PRKCI: variants seen among roughly 807,000 people sequenced by gnomAD.
The protein encoded by PRKCI is protein kinase C iota, also known as protein kinase C iota type.
A neutral mutation model predicts 84.0 loss-of-function variants in PRKCI; 43 were observed. The ratio of observed to expected loss-of-function variants is 0.51; its 90% CI spans 0.40 to 0.66. PRKCI has a LOEUF of 0.66. Among genes scored for constraint, PRKCI ranks in the 30% least tolerant of loss-of-function variants. The pLI is 0.00. For synonymous variants in PRKCI, 216 were observed against 234.4 expected, an observed-to-expected ratio of 0.92 and a Z score of 0.72; for missense variants, 459 against 745.6, an observed-to-expected ratio of 0.62 and a Z score of 4.48.
intron 1 of PRKCI, among the ~76,000 whole-genome samples, chr3:170,231,869 GAAAA>G (rs1434756648): frequency 6.6e-6 from 1 of 152,056 alleles, no homozygotes; most frequent in Non-Finnish European, 1.5e-5. Context: ...GTCAATTAAA[GAAAA>G]AAGCTTTTAA....
chr3:170,233,266 A>G (rs1732852322), intron 1 of PRKCI, among the ~76,000 whole-genome samples: 1 of 123,596 alleles, frequency 8.1e-6, no homozygotes, highest in Non-Finnish European at 1.9e-5. Flanking sequence ...GAAAAACTTT[A>G]TAATAGATTC....
Position 170,250,442 on chromosome 3 carries a change from C to G in PRKCI, c.224-9527C>G, listed in dbSNP as rs1021823999. 1.1e-3 allele frequency among the ~76,000 whole-genome samples: 120 copies of G among 109,802 alleles called. 2 individuals are homozygous for G. Among genetic ancestry groups the G allele is most frequent in the Non-Finnish European group, 1.8e-3 (95 of 53,556 alleles). The allele number at this position is 109,802 out of a possible 152,430, so 72.0% of individuals were successfully genotyped here. ...ACATTTTCATTACCAACCCCCCCCC[C>G]CCAAAAAAAAATCTCGTGTCTATTA... On this transcript the variant is annotated intron_variant, in intron 2 of 17. Coordinates refer to ENST00000295797, the MANE Select transcript of PRKCI (RefSeq NM_002740.6).
chr3:170,249,158 T>C (rs1183502869), intron 2 of PRKCI, among the ~76,000 whole-genome samples: 1 of 152,064 alleles, frequency 6.6e-6, no homozygotes, highest in Non-Finnish European at 1.5e-5. Flanking sequence ...AGAATTGGCT[T>C]TTTTCATTAT....
intron 2 of PRKCI, among the ~76,000 whole-genome samples, chr3:170,254,323 C>G (rs1022276058): frequency 6.6e-6 from 1 of 152,012 alleles, no homozygotes; most frequent in East Asian, 1.9e-4. Flanking sequence ...ATCCCACTTA[C>G]CTATTTTTGC....
intron 2 of PRKCI, among the ~76,000 whole-genome samples, chr3:170,253,468 G>C (rs1029584245): frequency 2.0e-5 from 3 of 152,114 alleles, no homozygotes; most frequent in African/African-American, 7.2e-5. Context: ...TCATATACCT[G>C]TTTGCCGTTT....
intron 4 of PRKCI, among the ~76,000 whole-genome samples, chr3:170,267,083 A>G (rs1447154418): frequency 6.6e-6 from 1 of 152,080 alleles, no homozygotes; most frequent in Non-Finnish European, 1.5e-5. Flanking sequence ...TTTCTAAGAC[A>G]TGGTAAATGG....
chr3:170,247,576 C>G (rs1733317768), intron 2 of PRKCI, among the ~76,000 whole-genome samples: 1 of 151,228 alleles, frequency 6.6e-6, no homozygotes, highest in East Asian at 1.9e-4. Flanking sequence ...ACTAAAAATA[C>G]AAAATTAGCT....
At chr3:170,277,693 C>CAAA (rs113442053) in intron 8 of PRKCI, among the ~76,000 whole-genome samples, 5 of 79,294 alleles carry the variant, frequency 6.3e-5, no homozygotes, top group East Asian at 7.3e-4. Context: ...GACTCCGTCT[C>CAAA]AAAAAAAAAA....
intron 11 of PRKCI, 37 bp downstream of exon 11, chr3:170,282,005 T>G: frequency 6.3e-7 from 1 of 1,597,190 alleles, no homozygotes; most frequent in Non-Finnish European, 8.5e-7. Flanking sequence ...GTTTTCTTTT[T>G]GGGGCCATGT....
chr3:170,272,795 G>A (rs1734033148), intron 6 of PRKCI, among the ~76,000 whole-genome samples: 1 of 152,082 alleles, frequency 6.6e-6, no homozygotes, highest in Non-Finnish European at 1.5e-5. Context: ...GGGTAAGTTG[G>A]ATTCTAGAAA....
chr3:170,293,609 A>C, intron 14 of PRKCI, 101 bp downstream of exon 14: 1 of 1,291,326 alleles, frequency 7.7e-7, no homozygotes, highest in South Asian at 1.5e-5. Context: ...AAATGAGCAT[A>C]ATCTGGAAAA....
At chr3:170,237,003 T>TA (rs1732996563) in intron 2 of PRKCI, among the ~76,000 whole-genome samples, 1 of 152,000 alleles carries the variant, frequency 6.6e-6, no homozygotes, top group African/African-American at 2.4e-5. Context: ...TTCTGGAACA[T>TA]AAACGCATAG....
chr3:170,252,174 A>G (rs111721167), intron 2 of PRKCI, among the ~76,000 whole-genome samples: 5,577 of 151,706 alleles, frequency 0.037, 174 homozygotes, highest in East Asian at 0.085. Context: ...AGATTGCGCC[A>G]CTGCCCTCCA....
intron 1 of PRKCI, among the ~76,000 whole-genome samples, chr3:170,233,386 T>G (rs1235492254): frequency 6.6e-6 from 1 of 152,100 alleles, no homozygotes; most frequent in Non-Finnish European, 1.5e-5. Context: ...ATTTGCCATT[T>G]TGGGAATCTT....
intron 12 of PRKCI, among the ~76,000 whole-genome samples, chr3:170,289,631 G>C (rs1458471498): frequency 1.3e-5 from 2 of 152,118 alleles, no homozygotes; most frequent in African/African-American, 4.8e-5. Context: ...AAAAGCCAGA[G>C]GCTCGGCACA....
In PRKCI at chr3:170,234,907, CT is replaced by C. The variant is rs954098444; in HGVS notation, c.102-322del. Among the ~76,000 whole-genome samples the C allele has an allele frequency of 7.4e-4, 113 of 151,876 alleles. 1 individual carries two copies. Among genetic ancestry groups the C allele is most frequent in the African/African-American group, 2.3e-3 (95 of 41,396 alleles). ...AACCTACACCTCCCATGTTCCCCCC[CT>C]GAGAAGGATCCTCCCACCTCAGCCT... On this transcript the variant is annotated intron_variant, in intron 1 of 17. Coordinates refer to ENST00000295797, the MANE Select transcript of PRKCI (RefSeq NM_002740.6).
At chr3:170,252,080 G>A (rs955958823) in intron 2 of PRKCI, among the ~76,000 whole-genome samples, 15 of 151,984 alleles carry the variant, frequency 9.9e-5, no homozygotes, top group South Asian at 4.1e-4. Context: ...CAGGCGTGGC[G>A]GCGTGTGCCT....
intron 17 of PRKCI, among the ~76,000 whole-genome samples, chr3:170,299,542 A>T (rs1413979065): frequency 6.6e-6 from 1 of 152,230 alleles, no homozygotes. Context: ...TATAATTTAT[A>T]CAACCATTCA....
At chr3:170,268,539 G>A (rs1266627704) in intron 5 of PRKCI, among the ~76,000 whole-genome samples, 1 of 149,926 alleles carries the variant, frequency 6.7e-6, no homozygotes, top group African/African-American at 2.5e-5. Flanking sequence ...ATATACCCTA[G>A]CTGTAAGAAA....
Sources: gnomAD v4.1 joint callset for allele counts (sites outside exome capture counted in the v4.1 genomes callset) on GRCh38, gnomAD v4.1.1 for gene constraint, MANE v1.5 for transcripts, NCBI Gene and HGNC (gene_info 2026-07-23, HGNC 2026-07-21) for gene names.